The following TBC1D2 variants were observed in gnomAD, a reference collection of about 807,000 sequenced individuals.
The protein encoded by TBC1D2 is TBC1 domain family member 2A.
Under a neutral mutation model 91.1 loss-of-function variants are expected in TBC1D2, and 58 were observed. The ratio of observed to expected loss-of-function variants is 0.64; its 90% CI spans 0.52 to 0.79. The LOEUF (loss-of-function observed/expected upper bound fraction) is 0.79, where lower values mean the gene tolerates loss of function less well. Ranked by LOEUF, TBC1D2 falls within the 30% of genes least tolerant of loss-of-function variation. The probability of loss-of-function intolerance (pLI) is 0.00; values close to 1 mark genes in which losing one functional copy is unlikely to be tolerated. For synonymous variants in TBC1D2, 482 were observed against 511.5 expected, an observed-to-expected ratio of 0.94 and a Z score of 0.78; for missense variants, 1,080 against 1,208.3, an observed-to-expected ratio of 0.89 and a Z score of 1.57.
chr9:98,236,436 T>G (rs1274331950), intron 3 of TBC1D2, among the ~76,000 whole-genome samples: 1 of 152,206 alleles, frequency 6.6e-6, no homozygotes, highest in East Asian at 1.9e-4. Context: ...TTGGTCAGGC[T>G]GGTCTCAAAC....
intron 7 of TBC1D2, among the ~76,000 whole-genome samples, chr9:98,212,074 G>A (rs1464745146): frequency 6.6e-6 from 1 of 152,106 alleles, no homozygotes; most frequent in African/African-American, 2.4e-5. Flanking sequence ...TGGGATTACA[G>A]GCCTGTGCCA....
intron 9 of TBC1D2, among the ~76,000 whole-genome samples, chr9:98,208,134 A>G (rs1279470367): frequency 3.3e-5 from 5 of 152,154 alleles, no homozygotes; most frequent in Admixed American, 3.3e-4. Flanking sequence ...CCCCAAGCAC[A>G]AATCAAAGGA....
intron 6 of TBC1D2, among the ~76,000 whole-genome samples, chr9:98,219,708 G>A (rs1319830133): frequency 6.6e-6 from 1 of 152,226 alleles, no homozygotes; most frequent in Admixed American, 6.5e-5. Context: ...AGAAAAGGTA[G>A]CATGTTGTGC....
intron 3 of TBC1D2, chr9:98,234,765 G>C (rs1443418678): frequency 1.9e-5 from 3 of 155,958 alleles, no homozygotes; most frequent in Non-Finnish European, 4.3e-5. Context: ...TTGGAAGCAG[G>C]AGCTAGAACT....
chr9:98,245,680 T>A (rs1029055728), intron 2 of TBC1D2, among the ~76,000 whole-genome samples: 7 of 152,368 alleles, frequency 4.6e-5, no homozygotes, highest in African/African-American at 1.7e-4. Flanking sequence ...GGATTTGCAG[T>A]GAGCAGGCTA....
In TBC1D2 at chr9:98,255,591, G is replaced by A; in HGVS notation, c.-50C>T. The A allele has an allele frequency of 6.9e-7, 1 of 1,449,898 alleles. No individual in the cohort carries two copies. Among genetic ancestry groups the A allele is most frequent in the Admixed American group, 2.7e-5 (1 of 37,504 alleles). 89.8% of individuals were successfully genotyped at this position (1,449,898 alleles called of 1,614,324 possible). A position where few individuals can be genotyped will look rare whatever the true frequency, so the allele number is the denominator to read the frequency against. ...GGACGAGGGGTCCGCGGGACCACCA[G>A]GGACAAATCTCGGAGACTCGGCGGG... On this transcript the variant is annotated 5_prime_UTR_variant, in exon 1 of 13. Transcript: ENST00000465784.
Position 98,255,225 on chromosome 9 carries a change from G to T in TBC1D2, c.317C>A (p.Ala106Asp), listed in dbSNP as rs1245888190. The change falls in exon 1 of 13, where the codon GCT becomes GAT. Residue 106 changes from alanine (A) to aspartate (D), a missense_variant. By Grantham distance (126) the Ala-to-Asp change is moderately radical. Coordinates refer to ENST00000465784, the MANE Select transcript of TBC1D2 (RefSeq NM_001267571.2). ...CTTGATTTCGAAGATCCCCTCCTCA[G>T]CGTCCGCCTTACAGTCAAACACTGC... ...SSAVFDCKAD[A>D]EEGIFEIKTP... 6.2e-7 allele frequency: 1 copy of T among 1,613,348 alleles called. No homozygotes were observed. Among genetic ancestry groups the T allele is most frequent in the African/African-American group, 1.3e-5 (1 of 74,908 alleles).
intron 5 of TBC1D2, among the ~76,000 whole-genome samples, chr9:98,224,838 G>A (rs1400137756): frequency 1.3e-5 from 2 of 152,114 alleles, no homozygotes; most frequent in East Asian, 1.9e-4. Context: ...ATCTAACGAG[G>A]TGACTCTAAG....
At position 98,220,822 on chromosome 9, in the gene TBC1D2, G is replaced by T. The variant is rs556055438; in HGVS notation, c.1374+11C>A. 1.2e-6 allele frequency: 2 copies of T among 1,612,492 alleles called. No individual in the cohort carries two copies. The highest frequency in any genetic ancestry group is 2.2e-5 in the South Asian group (2 of 91,014). On this transcript the variant is annotated intron_variant, in intron 6 of 12. Transcript: ENST00000465784. ...CGGCAGGACTGGCAGGCCCTGAGGGGAGGCCCCTACCTTCAGGTGCTCTAT... is the reference window on the plus strand; with the variant it reads ...CGGCAGGACTGGCAGGCCCTGAGGGTAGGCCCCTACCTTCAGGTGCTCTAT...
chr9:98,239,409 C>G (rs1829584460), intron 3 of TBC1D2, among the ~76,000 whole-genome samples: 1 of 152,190 alleles, frequency 6.6e-6, no homozygotes, highest in African/African-American at 2.4e-5. Context: ...TTGTCAAATG[C>G]TTTTTCTCAG....
At chr9:98,252,684 C>A (rs147176479) in intron 1 of TBC1D2, among the ~76,000 whole-genome samples, 2 of 150,764 alleles carry the variant, frequency 1.3e-5, no homozygotes, top group African/African-American at 5.0e-5. Flanking sequence ...AGAACTAGTC[C>A]CATAACCCTG....
chr9:98,244,964 G>A (rs1423478840), intron 2 of TBC1D2, among the ~76,000 whole-genome samples: 1 of 152,178 alleles, frequency 6.6e-6, no homozygotes, highest in East Asian at 1.9e-4. Flanking sequence ...AATTGGGCCG[G>A]GCGCAGTGGC....
At position 98,208,705 on chromosome 9, in the gene TBC1D2, G is replaced by T. The variant is rs1206916470; in HGVS notation, c.2113C>A (p.Gln705Lys). The change falls in exon 9 of 13, where the codon CAG (glutamine) becomes AAG (lysine). Residue 705 changes from glutamine (Q) to lysine (K), a missense_variant. Transcript: ENST00000465784. ...TGGCAGTAGCCGATGGTGGGGTTCT[G>T]CCAGGAGAAGGCCAGCAGCACCCGG... ...LRRVLLAFSW[Q>K]NPTIGYCQGL... The T allele has an allele frequency of 7.1e-6, 11 of 1,541,358 alleles. No individual in the cohort carries two copies. The highest frequency in any genetic ancestry group is 8.8e-6 in the Non-Finnish European group (10 of 1,140,586).
chr9:98,226,830 T>C (rs1829243860), intron 5 of TBC1D2, among the ~76,000 whole-genome samples: 1 of 152,208 alleles, frequency 6.6e-6, no homozygotes, highest in Non-Finnish European at 1.5e-5. Flanking sequence ...ATATGGGAGT[T>C]GTCAATAGCC....
chr9:98,240,185 G>GTGTGTGTA (rs1829602472), intron 3 of TBC1D2, among the ~76,000 whole-genome samples: 1 of 151,916 alleles, frequency 6.6e-6, no homozygotes. Flanking sequence ...GTGTGTGTGT[G>GTGTGTGTA]TGTGTGTGTT....
intron 5 of TBC1D2, among the ~76,000 whole-genome samples, chr9:98,226,892 G>T (rs1829245347): frequency 6.6e-6 from 1 of 152,222 alleles, no homozygotes; most frequent in Non-Finnish European, 1.5e-5. Flanking sequence ...ATTGAAGAAT[G>T]ATGAGTCCTC....
chr9:98,250,196 G>A (rs1013723335), intron 2 of TBC1D2, among the ~76,000 whole-genome samples: 8 of 152,172 alleles, frequency 5.3e-5, no homozygotes, highest in Non-Finnish European at 1.2e-4. Flanking sequence ...GCCAGGCAAA[G>A]GAGAGAGAGC....
intron 6 of TBC1D2, 193 bp from the exon 7 acceptor site, chr9:98,213,411 G>A: frequency 7.1e-7 from 1 of 1,398,970 alleles, no homozygotes; most frequent in Non-Finnish European, 9.3e-7. Flanking sequence ...AGCATGATGT[G>A]GTAAAGGGAC....
chr9:98,215,908 T>G, intron 6 of TBC1D2, among the ~76,000 whole-genome samples: 1 of 152,226 alleles, frequency 6.6e-6, no homozygotes, highest in Non-Finnish European at 1.5e-5. Flanking sequence ...CTCTAGTCCC[T>G]ACCCTCCAAG....
Sources: gnomAD v4.1 joint callset for allele counts (sites outside exome capture counted in the v4.1 genomes callset) on GRCh38, gnomAD v4.1.1 for gene constraint, MANE v1.5 for transcripts, NCBI Gene and HGNC (gene_info 2026-07-23, HGNC 2026-07-21) for gene names.